ARHGAP32: variants seen among roughly 807,000 people sequenced by gnomAD.
ARHGAP32 encodes rho GTPase-activating protein 32.
ARHGAP32 carries 51 observed loss-of-function variants against 186.5 expected under a neutral mutation model. That is an observed-to-expected ratio of 0.27 (90% CI 0.22 to 0.35). The LOEUF is 0.35. ARHGAP32 is among the 10% of genes least tolerant of loss of function. ARHGAP32 has a pLI of 1.00. For missense variants in ARHGAP32, 2,186 were observed against 2,623.5 expected (o/e 0.83, Z 3.64); for synonymous variants, 950 against 964.3 (o/e 0.99, Z 0.27).
intron 11 of ARHGAP32, 23 bp from the exon 12 acceptor site, chr11:128,998,491 G>T (rs757361939): frequency 2.7e-6 from 4 of 1,509,112 alleles, no homozygotes; most frequent in Non-Finnish European, 3.6e-6. Flanking sequence ...AAAGAGAAAA[G>T]ATCTTAGTTG....
intron 1 of ARHGAP32, among the ~76,000 whole-genome samples, chr11:129,211,991 C>T (rs1944587285): frequency 6.6e-6 from 1 of 151,888 alleles, no homozygotes; most frequent in Non-Finnish European, 1.5e-5. Context: ...TTGGTCTCCA[C>T]AAAAAATATA....
chr11:129,189,581 C>T (rs955324172), intron 1 of ARHGAP32, among the ~76,000 whole-genome samples: 1 of 152,166 alleles, frequency 6.6e-6, no homozygotes, highest in Non-Finnish European at 1.5e-5. Flanking sequence ...ACTAAATATT[C>T]TAGTCTAATA....
At chr11:129,152,552 T>C (rs965133282) in intron 2 of ARHGAP32, among the ~76,000 whole-genome samples, 1 of 152,164 alleles carries the variant, frequency 6.6e-6, no homozygotes, top group Non-Finnish European at 1.5e-5. Flanking sequence ...CAAGTGGGTT[T>C]CACAGCAGGA....
At chr11:129,180,506 A>T (rs775828371) in intron 1 of ARHGAP32, among the ~76,000 whole-genome samples, 1 of 152,110 alleles carries the variant, frequency 6.6e-6, no homozygotes, top group Non-Finnish European at 1.5e-5. Context: ...TCAAAGTGTA[A>T]AAGTTTATTG....
chr11:129,204,344 A>G (rs2135580637), intron 1 of ARHGAP32, among the ~76,000 whole-genome samples: 1 of 152,302 alleles, frequency 6.6e-6, no homozygotes, highest in Non-Finnish European at 1.5e-5. Context: ...TGGTCTAAGT[A>G]GACTCGCCCT....
rs760996574 is a variant in ARHGAP32, at chr11:129,136,771, T to C, written c.226-11877A>G. 1.4e-3 allele frequency among the ~76,000 whole-genome samples: 213 copies of C among 151,898 alleles called. 3 individuals are homozygous for C. The highest frequency in any genetic ancestry group is 4.6e-4 in the Admixed American group (7 of 15,260). On this transcript the variant is annotated intron_variant, in intron 2 of 22. Coordinates refer to ENST00000682385, the MANE Select transcript of ARHGAP32 (RefSeq NM_001378024.1). ...ATTATTGCAATAGATAACAGAAAAA[T>C]TGTCTGATAAAACTCAACACCCATT...
At chr11:129,099,989 T>C (rs555118752) in intron 5 of ARHGAP32, among the ~76,000 whole-genome samples, 2 of 152,192 alleles carry the variant, frequency 1.3e-5, no homozygotes, top group East Asian at 3.9e-4. Context: ...AAGAGGTGAA[T>C]TGAACTGGCA....
At position 128,965,991 on chromosome 11, in the gene ARHGAP32, C is replaced by T. The variant is rs1175707748; in HGVS notation, c.*2916G>A. ...AATGTGCAGGCCCTAGTCGTGGGAC[C>T]ATCCCAGGGACTTGCAGGTTTGAAA... is the stretch of plus-strand genomic sequence containing the variant. On this transcript the variant is annotated 3_prime_UTR_variant, in exon 23 of 23. Transcript: ENST00000682385. 3 of 152,286 alleles carry T rather than the reference C, an allele frequency of 2.0e-5. No homozygotes were observed. The East Asian group carries it at 5.8e-4, about 29-fold the overall frequency. 9.4% of individuals were successfully genotyped at this position (152,286 alleles called of 1,614,324 possible). A position where few individuals can be genotyped will look rare whatever the true frequency, so the allele number is the denominator to read the frequency against.
At position 128,973,374 on chromosome 11, in the gene ARHGAP32, G is replaced by A; in HGVS notation, c.3132C>T (p.Ile1044=). The A allele has an allele frequency of 2.5e-6, 4 of 1,614,106 alleles. No homozygotes were observed. The highest frequency in any genetic ancestry group is 3.4e-6 in the Non-Finnish European group (4 of 1,180,028). Residue 1044 remains isoleucine, a synonymous_variant, in exon 22 of 23, where the codon ATC becomes ATT. Transcript: ENST00000682385. ...DSVPVSSVSL[I]PPPPPPKNVA... Reference sequence around the variant, plus strand: ...CATTTTTCGGAGGCGGTGGTGGTGGGATAAGAGAGACTGAACTGACAGGAA... The same window carrying A: ...CATTTTTCGGAGGCGGTGGTGGTGGAATAAGAGAGACTGAACTGACAGGAA...
Position 128,972,543 on chromosome 11 carries a change from G to A in ARHGAP32, c.3963C>T (p.Pro1321=). Residue 1321 remains proline (P), a synonymous_variant, in exon 22 of 23, where the codon CCC becomes CCT. Transcript: ENST00000682385. ...CTGCAGATCTCTGGGAAGGCGGAGG[G>A]GGAAGGGGACGATTAGTTCTGTGCG... The part of the protein sequence containing the change: ...QRTHRTNRPL[P]PPPSQRSAEQ... 6.4e-7 allele frequency: 1 copy of A among 1,569,664 alleles called. No individual in the cohort carries two copies. Among genetic ancestry groups the A allele is most frequent in the Non-Finnish European group, 8.7e-7 (1 of 1,155,382 alleles).
At chr11:129,039,847 G>T (rs752488014) in intron 11 of ARHGAP32, among the ~76,000 whole-genome samples, 48 of 152,202 alleles carry the variant, frequency 3.2e-4, no homozygotes, top group Middle Eastern at 3.4e-3. Context: ...GTTTACCCAA[G>T]AAGGATAAAA....
intron 1 of ARHGAP32, among the ~76,000 whole-genome samples, chr11:129,172,586 C>A (rs1943791035): frequency 6.6e-6 from 1 of 152,158 alleles, no homozygotes; most frequent in Non-Finnish European, 1.5e-5. Context: ...AACTTCACAA[C>A]AAACAATCTC....
chr11:129,179,270 C>T (rs190657117), intron 1 of ARHGAP32, among the ~76,000 whole-genome samples: 18,916 of 151,868 alleles, frequency 0.12, 1,309 homozygotes, highest in Non-Finnish European at 0.15. Context: ...GTTAGAATGG[C>T]AATCATTAAA....
At chr11:129,179,365 C>T (rs935199101) in intron 1 of ARHGAP32, among the ~76,000 whole-genome samples, 5 of 152,176 alleles carry the variant, frequency 3.3e-5, no homozygotes, top group African/African-American at 1.2e-4. Context: ...ACTAGTTCAA[C>T]CATTGTGGAA....
rs538632891 is a variant in ARHGAP32 at position 129,261,518 on chromosome 11, G to T, written c.-5+17628C>A. ...TCAAGAGGTCAGCCTAGATGGAATA[G>T]GTCCGGTTACATTAATTCAGTTGTC... On this transcript the variant is annotated intron_variant, in intron 1 of 6. Coordinates refer to the ARHGAP32 transcript ENST00000525234. Among the ~76,000 whole-genome samples, 3 of 152,258 alleles carry T rather than the reference G, an allele frequency of 2.0e-5. No homozygotes were observed. The South Asian group carries it at 6.2e-4, about 32-fold the overall frequency.
chr11:129,038,729 A>C (rs1939460889), intron 11 of ARHGAP32, among the ~76,000 whole-genome samples: 1 of 150,792 alleles, frequency 6.6e-6, no homozygotes, highest in Non-Finnish European at 1.5e-5. Flanking sequence ...TCTACAAAAA[A>C]TTTAAAAATT....
intron 1 of ARHGAP32, among the ~76,000 whole-genome samples, chr11:129,251,302 CTAAA>C (rs1328653494): frequency 1.3e-5 from 2 of 152,172 alleles, no homozygotes; most frequent in African/African-American, 2.4e-5. Context: ...ACGATTCTAA[CTAAA>C]TGAGTCATTT....
At chr11:129,111,369 G>C (rs1261603853) in intron 5 of ARHGAP32, among the ~76,000 whole-genome samples, 1 of 152,166 alleles carries the variant, frequency 6.6e-6, no homozygotes, top group African/African-American at 2.4e-5. Context: ...CAGGGATATT[G>C]ATCTGTAGTT....
At chr11:129,003,787 G>A (rs1243350327) in intron 11 of ARHGAP32, among the ~76,000 whole-genome samples, 2 of 151,556 alleles carry the variant, frequency 1.3e-5, no homozygotes, top group African/African-American at 4.8e-5. Context: ...CCTTAGTCTG[G>A]CTAAAGGTTT....
Sources: gnomAD v4.1 joint callset for allele counts (sites outside exome capture counted in the v4.1 genomes callset) on GRCh38, gnomAD v4.1.1 for gene constraint, MANE v1.5 for transcripts, NCBI Gene and HGNC (gene_info 2026-07-23, HGNC 2026-07-21) for gene names.